Variants in MUC7 observed in about 807,000 individuals in gnomAD.
MUC7 encodes the protein mucin 7, secreted, also known as mucin-7.
MUC7 carries 2 observed loss-of-function variants against 2.5 expected under a neutral mutation model. The ratio of observed to expected loss-of-function variants is 0.81; its 90% CI spans 0.33 to 2.55. MUC7 has a LOEUF of 2.55. Among genes scored for constraint, MUC7 ranks in the 30% most tolerant of loss-of-function variants. The probability of loss-of-function intolerance (pLI) is 0.11; values close to 1 mark genes in which losing one functional copy is unlikely to be tolerated. For missense variants in MUC7, 408 were observed against 455.6 expected (o/e 0.90, Z 0.95); for synonymous variants, 133 against 173.4 (o/e 0.77, Z 1.83).
intron 1 of MUC7, among the ~76,000 whole-genome samples, chr4:70,453,121 C>A (rs982650067): frequency 6.6e-6 from 1 of 152,126 alleles, no homozygotes; most frequent in Non-Finnish European, 1.5e-5. Context: ...TCTAACCTCT[C>A]CCTTGCTACC....
intron 1 of MUC7, among the ~76,000 whole-genome samples, chr4:70,454,021 A>G (rs1734355523): frequency 6.6e-6 from 1 of 151,998 alleles, no homozygotes; most frequent in Non-Finnish European, 1.5e-5. Context: ...TTCAAAATAC[A>G]AGACAAAATC....
intron 1 of MUC7, 138 bp downstream of exon 1, chr4:70,472,429 A>G (rs894603651): frequency 6.6e-6 from 1 of 152,250 alleles, no homozygotes; most frequent in Non-Finnish European, 1.5e-5. Context: ...GTGTGGTAAC[A>G]CTCAATTCAT....
chr4:70,438,512 A>G (rs1481679956), intron 1 of MUC7, among the ~76,000 whole-genome samples: 1 of 152,136 alleles, frequency 6.6e-6, no homozygotes, highest in African/African-American at 2.4e-5. Flanking sequence ...GTTGGAGTGC[A>G]GTGGCGCAAT....
At chr4:70,437,750 A>G (rs764668428) in intron 1 of MUC7, among the ~76,000 whole-genome samples, 3 of 151,728 alleles carry the variant, frequency 2.0e-5, no homozygotes, top group Non-Finnish European at 2.9e-5. Context: ...ACCAGTCCCA[A>G]TGAGATGGAC....
chr4:70,472,276 A>G lies in MUC7; in HGVS notation c.-31A>G, dbSNP rs1734854018. 6.6e-6 allele frequency: 1 copy of G among 152,192 alleles called. No homozygotes were observed. Among genetic ancestry groups the G allele is most frequent in the Non-Finnish European group, 1.5e-5 (1 of 68,028 alleles). The allele number at this position is 152,192 out of a possible 1,614,324, so 9.4% of individuals were successfully genotyped here. A position where few individuals can be genotyped will look rare whatever the true frequency, so the allele number is the denominator to read the frequency against. ...TGGATTGAACACCCTAAGAAGAAAGATTCACACTGCACCAGGTATGTGGAT... is the reference window on the plus strand; with the variant it reads ...TGGATTGAACACCCTAAGAAGAAAGGTTCACACTGCACCAGGTATGTGGAT... On this transcript the variant is annotated 5_prime_UTR_variant, in exon 1 of 3. Transcript: ENST00000304887.
intron 1 of MUC7, among the ~76,000 whole-genome samples, chr4:70,453,015 T>C (rs1321784185): frequency 6.6e-6 from 1 of 152,206 alleles, no homozygotes; most frequent in Non-Finnish European, 1.5e-5. Flanking sequence ...GTCATGCCAC[T>C]CTCTCCTGGC....
chr4:70,460,792 T>C lies in MUC7; in HGVS notation c.-92-11423T>C, dbSNP rs1734536896. Among the ~76,000 whole-genome samples the C allele has an allele frequency of 2.0e-5, 3 of 152,166 alleles. No individual in the cohort carries two copies. The South Asian group carries it at 6.2e-4, about 32-fold the overall frequency. On this transcript the variant is annotated intron_variant, in intron 1 of 3. Transcript: ENST00000413702. ...GGGATGTCAGTGGAGGTTTCTGGGATGTTGTCATATGGGGGCTGTGGTTCC... is the reference window on the plus strand; with the variant it reads ...GGGATGTCAGTGGAGGTTTCTGGGACGTTGTCATATGGGGGCTGTGGTTCC...
At chr4:70,474,531 A>G (rs1734938225) in intron 2 of MUC7, among the ~76,000 whole-genome samples, 1 of 151,222 alleles carries the variant, frequency 6.6e-6, no homozygotes, top group Admixed American at 6.7e-5. Context: ...ATATACAGAT[A>G]GGTAGATAGA....
At chr4:70,461,414 A>G (rs1414797570) in intron 1 of MUC7, among the ~76,000 whole-genome samples, 1 of 152,228 alleles carries the variant, frequency 6.6e-6, no homozygotes, top group African/African-American at 2.4e-5. Flanking sequence ...TGGACTCATT[A>G]TTAGAAAAAC....
intron 1 of MUC7, among the ~76,000 whole-genome samples, chr4:70,440,425 T>A (rs1324653632): frequency 6.6e-6 from 1 of 152,158 alleles, no homozygotes; most frequent in Non-Finnish European, 1.5e-5. Context: ...GTCTTGTACA[T>A]CTTTGAATTC....
chr4:70,440,796 A>G (rs1359180842), intron 1 of MUC7, among the ~76,000 whole-genome samples: 1 of 152,104 alleles, frequency 6.6e-6, no homozygotes, highest in Non-Finnish European at 1.5e-5. Context: ...AACAAAATAG[A>G]GGAAAAAGGG....
chr4:70,461,523 A>G (rs1156604117), intron 1 of MUC7, among the ~76,000 whole-genome samples: 2 of 152,190 alleles, frequency 1.3e-5, no homozygotes, highest in Non-Finnish European at 2.9e-5. Context: ...TGATCCTTCT[A>G]TCTCTTGTAG....
chr4:70,440,837 A>T (rs1241237740), intron 1 of MUC7, among the ~76,000 whole-genome samples: 1 of 152,072 alleles, frequency 6.6e-6, no homozygotes, highest in Non-Finnish European at 1.5e-5. Flanking sequence ...AAGAAGGAAA[A>T]TTAACAGCAC....
intron 1 of MUC7, among the ~76,000 whole-genome samples, chr4:70,439,394 TTTAAG>T (rs1472673091): frequency 3.4e-4 from 52 of 152,180 alleles, no homozygotes; most frequent in African/African-American, 1.2e-3. Context: ...CACTGGGAAG[TTTAAG>T]CAGGGGATTT....
intron 1 of MUC7, among the ~76,000 whole-genome samples, chr4:70,434,969 G>T (rs1032616829): frequency 6.6e-6 from 1 of 152,160 alleles, no homozygotes; most frequent in African/African-American, 2.4e-5. Flanking sequence ...TATGTACCCA[G>T]TAGTCATTCA....
At chr4:70,462,069 C>A (rs945440743) in intron 1 of MUC7, among the ~76,000 whole-genome samples, 2 of 152,010 alleles carry the variant, frequency 1.3e-5, no homozygotes, top group Admixed American at 1.3e-4. Flanking sequence ...TAAAAAGTAG[C>A]CACTCAGGTG....
At chr4:70,446,325 A>C (rs1209778031) in intron 1 of MUC7, among the ~76,000 whole-genome samples, 1 of 152,206 alleles carries the variant, frequency 6.6e-6, no homozygotes, top group Non-Finnish European at 1.5e-5. Context: ...TTAAAACAAG[A>C]AAAATTTCTC....
At position 70,467,182 on chromosome 4, in the gene MUC7, G is replaced by A. The variant is rs111306748; in HGVS notation, c.-92-5033G>A. On this transcript the variant is annotated intron_variant, in intron 1 of 3. Transcript: ENST00000413702. ...CTACTGGTTAAATAAGGAAATTAAG[G>A]CAGAAATAAATAAGTTATTTGAAAC... Among the ~76,000 whole-genome samples the A allele has an allele frequency of 3.3e-4, 50 of 152,260 alleles. 3 individuals are homozygous for A. The highest frequency in any genetic ancestry group is 1.1e-3 in the African/African-American group (46 of 41,532).
intron 1 of MUC7, among the ~76,000 whole-genome samples, chr4:70,437,351 G>T (rs1373846554): frequency 6.6e-6 from 1 of 152,212 alleles, no homozygotes; most frequent in African/African-American, 2.4e-5. Flanking sequence ...GCTGCAGTGG[G>T]CTCCACCCAG....
Sources: gnomAD v4.1 joint callset for allele counts (sites outside exome capture counted in the v4.1 genomes callset) on GRCh38, gnomAD v4.1.1 for gene constraint, MANE v1.5 for transcripts, NCBI Gene and HGNC (gene_info 2026-07-23, HGNC 2026-07-21) for gene names.